Variants in CD36 observed in about 807,000 individuals in gnomAD.
The protein encoded by CD36 is platelet glycoprotein 4.
In CD36, 119 loss-of-function variants were observed where a neutral mutation model predicts 55.2. The ratio of observed to expected loss-of-function variants is 2.15; its 90% CI spans 1.86 to 2.51. The LOEUF (loss-of-function observed/expected upper bound fraction) is 2.51. Among genes scored for constraint, CD36 ranks in the 30% most tolerant of loss-of-function variants. CD36 has a pLI of 0.00. For missense variants in CD36, 819 were observed against 555.5 expected, an observed-to-expected ratio of 1.47 and a Z score of -4.77; for synonymous variants, 186 against 193.6, an observed-to-expected ratio of 0.96 and a Z score of 0.33.
chr7:80,646,953 A>G (rs751858942), intron 3 of CD36, 93 bp downstream of exon 3: 3 of 1,388,664 alleles, frequency 2.2e-6, no homozygotes, highest in Non-Finnish European at 3.1e-6. Flanking sequence ...ATTTCATGGT[A>G]ACTGCTAATT....
intron 6 of CD36, among the ~76,000 whole-genome samples, chr7:80,663,485 AT>A: frequency 6.6e-6 from 1 of 152,046 alleles, no homozygotes; most frequent in Non-Finnish European, 1.5e-5. Flanking sequence ...TTTGGCTTTT[AT>A]TTCCCTATTC....
chr7:80,669,101 G>C (rs1797398192), intron 8 of CD36, among the ~76,000 whole-genome samples: 1 of 152,186 alleles, frequency 6.6e-6, no homozygotes, highest in Non-Finnish European at 1.5e-5. Flanking sequence ...TGTGGACATG[G>C]CAGGAGATCC....
intron 3 of CD36, among the ~76,000 whole-genome samples, chr7:80,652,390 C>T (rs1183871771): frequency 6.6e-6 from 1 of 152,174 alleles, no homozygotes; most frequent in Non-Finnish European, 1.5e-5. Flanking sequence ...TACTCCAATA[C>T]ATTTCACCTA....
At chr7:80,637,052 A>G (rs1351335103), upstream of CD36, 3 of 152,070 alleles carry the variant, frequency 2.0e-5, no homozygotes, top group Non-Finnish European at 4.4e-5. Context: ...ATTTTTTCTG[A>G]AATAATCTTT....
intron 5 of CD36, 46 bp from the exon 6 acceptor site, chr7:80,662,944 A>C: frequency 7.0e-7 from 1 of 1,433,994 alleles, no homozygotes; most frequent in Non-Finnish European, 9.8e-7. Flanking sequence ...ATTTGTTAAA[A>C]TCTAATATTG....
chr7:80,673,927 G>A, intron 13 of CD36, 56 bp from the exon 14 acceptor site: 1 of 1,327,682 alleles, frequency 7.5e-7, no homozygotes, highest in Admixed American at 1.7e-5. Context: ...CAATTGAAGG[G>A]TTTATTTTGT....
At chr7:80,672,347 A>ACAGTTTTAATCATCTTTATTTTTG (rs1797773078) in intron 11 of CD36, among the ~76,000 whole-genome samples, 1 of 151,838 alleles carries the variant, frequency 6.6e-6, no homozygotes. Flanking sequence ...TTGTAGCGCA[A>ACAGTTTTAATCATCTTTATTTTTG]CAGTTTTAAT....
chr7:80,673,110 T>A, intron 12 of CD36: 1 of 522,778 alleles, frequency 1.9e-6, no homozygotes, highest in Non-Finnish European at 3.4e-6. Flanking sequence ...TTTTTGGAAT[T>A]CATATTTCAG....
At chr7:80,667,700 C>CA (rs1008229296) in intron 8 of CD36, among the ~76,000 whole-genome samples, 154 of 140,288 alleles carry the variant, frequency 1.1e-3, no homozygotes, top group African/African-American at 2.6e-3. Context: ...AAAAAGCAAA[C>CA]AAAAAAAACA....
At chr7:80,613,060 A>C (rs1431522087) in intron 1 of CD36, among the ~76,000 whole-genome samples, 1 of 152,126 alleles carries the variant, frequency 6.6e-6, no homozygotes, top group Non-Finnish European at 1.5e-5. Context: ...AAATCTGTAG[A>C]GGAAGTAGTA....
At chr7:80,608,757 T>C (rs2115736898) in intron 1 of CD36, among the ~76,000 whole-genome samples, 1 of 152,296 alleles carries the variant, frequency 6.6e-6, no homozygotes, top group Admixed American at 6.5e-5. Flanking sequence ...AGGTTAATAG[T>C]ACCTCCTTTT....
rs67213422 is a variant in CD36, at chr7:80,604,350, ATTTTTTTTTTTTTTTTTTTTTT to A, written c.-184+1990_-184+2011del. Among the ~76,000 whole-genome samples, 120 of 54,276 alleles carry A rather than the reference ATTTTTTTTTTTTTTTTTTTTTT, an allele frequency of 2.2e-3. 1 individual carries two copies. Among genetic ancestry groups the A allele is most frequent in the Admixed American group, 4.4e-3 (16 of 3,596 alleles). 35.6% of individuals were successfully genotyped at this position (54,276 alleles called of 152,430 possible). A position where few individuals can be genotyped will look rare whatever the true frequency, so the allele number is the denominator to read the frequency against. ...TACAGTAATTGGCTAAGCCACTGGA[ATTTTTTTTTTTTTTTTTTTTTT>A]TTTTTTTTTTTTTTTTTTAGCAAAG... On this transcript the variant is annotated intron_variant, in intron 1 of 13. Coordinates refer to the CD36 transcript ENST00000309881.
chr7:80,669,919 A>G (rs1436307448), intron 8 of CD36, 34 bp from the exon 9 acceptor site: 3 of 1,479,828 alleles, frequency 2.0e-6, no homozygotes, highest in Admixed American at 1.7e-5. Context: ...AACACACATT[A>G]CATCTAATCA....
chr7:80,677,605 G>GTAT lies in CD36; in HGVS notation c.*1223_*1225dup. ...CCTTTTAACTGGGAAGATAAAAGAAGTATCTGTCCAAGATATTAATATGTA... is the reference window on the plus strand; with the variant it reads ...CCTTTTAACTGGGAAGATAAAAGAAGTATTATCTGTCCAAGATATTAATATGTA... On this transcript the variant is annotated 3_prime_UTR_variant, in exon 15 of 15. Coordinates refer to ENST00000447544, the MANE Select transcript of CD36 (RefSeq NM_001001548.3). The GTAT allele has an allele frequency of 6.6e-6, 1 of 152,262 alleles. No homozygotes were observed. Among genetic ancestry groups the GTAT allele is most frequent in the East Asian group, 1.9e-4 (1 of 5,166 alleles). 9.4% of individuals were successfully genotyped at this position (152,262 alleles called of 1,614,324 possible). A position where few individuals can be genotyped will look rare whatever the true frequency, so the allele number is the denominator to read the frequency against.
chr7:80,673,376 G>T lies in CD36; in HGVS notation c.1221G>T (p.Arg407Ser). Reference protein sequence around the residue: ...EKIQVLKNLKRNYIVPILWLN... With the variant: ...EKIQVLKNLKSNYIVPILWLN... ...ACAGAGTATTAAAGAATCTGAAGAGGAACTATATTGTGCCTATTCTTTGGC... is the reference window on the plus strand; with the variant it reads ...ACAGAGTATTAAAGAATCTGAAGAGTAACTATATTGTGCCTATTCTTTGGC... The change falls in exon 13 of 15, where the codon AGG becomes AGT. Residue 407 changes from arginine to serine, a missense_variant. Coordinates refer to ENST00000447544, the MANE Select transcript of CD36 (RefSeq NM_001001548.3). The T allele has an allele frequency of 6.4e-7, 1 of 1,553,590 alleles. No individual in the cohort carries two copies. The highest frequency in any genetic ancestry group is 1.1e-5 in the South Asian group (1 of 89,536).
At chr7:80,634,570 A>C (rs1794273796), upstream of CD36, among the ~76,000 whole-genome samples, 1 of 152,074 alleles carries the variant, frequency 6.6e-6, no homozygotes, top group African/African-American at 2.4e-5. Flanking sequence ...CGTCTTGCCT[A>C]GTTCACAAAT....
intron 6 of CD36, among the ~76,000 whole-genome samples, chr7:80,663,608 A>ACATCT (rs2116705625): frequency 6.6e-6 from 1 of 151,976 alleles, no homozygotes; most frequent in South Asian, 2.1e-4. Flanking sequence ...CCTAATGTTC[A>ACATCT]CATCTCAATA....
At chr7:80,620,125 T>C (rs1372637772) in intron 1 of CD36, among the ~76,000 whole-genome samples, 1 of 151,942 alleles carries the variant, frequency 6.6e-6, no homozygotes, top group Non-Finnish European at 1.5e-5. Context: ...CTCTGCCTCA[T>C]GCCACAACAA....
intron 10 of CD36, 73 bp downstream of exon 10, chr7:80,671,237 A>C: frequency 9.8e-7 from 1 of 1,021,196 alleles, no homozygotes; most frequent in Non-Finnish European, 1.5e-6. Flanking sequence ...ACTTTACCAT[A>C]ATCCTTTAGC....
Sources: allele counts gnomAD v4.1 joint callset (sites outside exome capture counted in the v4.1 genomes callset), GRCh38; gene constraint gnomAD v4.1.1; transcripts MANE v1.5; gene names NCBI Gene and HGNC (gene_info 2026-07-23, HGNC 2026-07-21).